VSNL1: variants seen among roughly 807,000 people sequenced by gnomAD.
The protein encoded by VSNL1 is visinin like 1, also known as visinin-like protein 1.
VSNL1 carries 6 observed loss-of-function variants against 20.4 expected under a neutral mutation model. That is an observed-to-expected ratio of 0.29 (90% CI 0.16 to 0.58). VSNL1 has a LOEUF of 0.58. VSNL1 is among the 20% of genes least tolerant of loss of function. The pLI, the probability that VSNL1 is intolerant of heterozygous loss-of-function variation, is 0.90. For missense variants in VSNL1, 100 were observed against 234.5 expected (o/e 0.43, Z 3.75); for synonymous variants, 93 against 86.4 (o/e 1.08, Z -0.42).
intron 1 of VSNL1, among the ~76,000 whole-genome samples, chr2:17,578,831 G>C (rs1357351519): frequency 6.6e-6 from 1 of 152,216 alleles, no homozygotes; most frequent in Non-Finnish European, 1.5e-5. Flanking sequence ...GCCTAAATCA[G>C]AGCTGGAAAC....
chr2:17,655,662 C>G lies in VSNL1; in HGVS notation c.*268C>G, dbSNP rs1666216554. ...GTAATATCATTTCATAAAAATCCCT[C>G]TTCCTCCAAAGCCTGGGCAGAAATG... On this transcript the variant is annotated 3_prime_UTR_variant, in exon 4 of 4. Coordinates refer to ENST00000295156, the MANE Select transcript of VSNL1 (RefSeq NM_003385.5). This position sits in a 1 kb window ranked among gnomAD's most constrained non-coding sequence, Gnocchi z 5.2. 1.1e-5 allele frequency: 4 copies of G among 348,892 alleles called. No individual in the cohort carries two copies. The highest frequency in any genetic ancestry group is 8.3e-4 in the Middle Eastern group (1 of 1,208). 21.6% of individuals were successfully genotyped at this position (348,892 alleles called of 1,614,324 possible).
chr2:17,567,244 A>T (rs1273029185), intron 1 of VSNL1: 2 of 151,890 alleles, frequency 1.3e-5, no homozygotes, highest in Admixed American at 1.3e-4. Flanking sequence ...TTTTAAAAAT[A>T]AAGTTCTATA....
chr2:17,546,568 A>C (rs1212606944), intron 1 of VSNL1, among the ~76,000 whole-genome samples: 1 of 152,002 alleles, frequency 6.6e-6, no homozygotes, highest in South Asian at 2.1e-4. Flanking sequence ...CTGGTGTTAC[A>C]GGAGACTAGT....
In VSNL1 at chr2:17,556,369, C is replaced by T. The variant is rs536811360; in HGVS notation, c.-6+15451C>T. Among the ~76,000 whole-genome samples, 3 of 152,280 alleles carry T rather than the reference C, an allele frequency of 2.0e-5. No individual in the cohort carries two copies. In the South Asian group the frequency reaches 6.2e-4, roughly 32 times the overall value. Reference sequence around the variant, plus strand: ...TAAATTATTAAATATGCCAGTTCATCACTTCTTAAATCAATTGGATCATTA... The same window carrying T: ...TAAATTATTAAATATGCCAGTTCATTACTTCTTAAATCAATTGGATCATTA... On this transcript the variant is annotated intron_variant, in intron 1 of 3. Coordinates refer to ENST00000295156, the MANE Select transcript of VSNL1 (RefSeq NM_003385.5).
At chr2:17,585,389 A>AG (rs572320776) in intron 1 of VSNL1, among the ~76,000 whole-genome samples, 3 of 151,942 alleles carry the variant, frequency 2.0e-5, no homozygotes, top group African/African-American at 7.3e-5. Flanking sequence ...TTATAAAAAA[A>AG]AAAAAAACAT....
chr2:17,585,353 G>A (rs1664445392), intron 1 of VSNL1, among the ~76,000 whole-genome samples: 2 of 151,230 alleles, frequency 1.3e-5, no homozygotes, highest in African/African-American at 4.9e-5. Context: ...AACAGAAAGA[G>A]GCATAGTGTC....
intron 1 of VSNL1, among the ~76,000 whole-genome samples, chr2:17,560,612 A>G (rs1010475975): frequency 6.6e-6 from 1 of 152,218 alleles, no homozygotes; most frequent in East Asian, 1.9e-4. Flanking sequence ...ATTACATAAA[A>G]TGAATTTCGG....
chr2:17,639,890 C>A (rs1665844707), intron 2 of VSNL1, among the ~76,000 whole-genome samples: 1 of 152,304 alleles, frequency 6.6e-6, no homozygotes, highest in African/African-American at 2.4e-5. Context: ...CAATGTCCTC[C>A]CCATTAAATC....
intron 1 of VSNL1, among the ~76,000 whole-genome samples, chr2:17,561,579 A>G (rs1663815972): frequency 6.6e-6 from 1 of 152,220 alleles, no homozygotes. Context: ...AAGTGATTTG[A>G]TCGGACTTGC....
chr2:17,610,211 C>T (rs1361072912), intron 2 of VSNL1, among the ~76,000 whole-genome samples: 5 of 152,142 alleles, frequency 3.3e-5, no homozygotes, highest in Admixed American at 6.5e-5. Context: ...TTCATCCATC[C>T]ATGTATTTGT....
rs542696846 is a variant in VSNL1, at chr2:17,623,378, G to C, written c.163-26032G>C. On this transcript the variant is annotated intron_variant, in intron 2 of 3. Coordinates refer to ENST00000295156, the MANE Select transcript of VSNL1 (RefSeq NM_003385.5). The stretch of plus-strand genomic sequence containing the variant: ...AAAAATGGCAAGAACAGTTAAATCA[G>C]AGCAACCCCGGCTGGGCACGGTGGC... 7.9e-5 allele frequency among the ~76,000 whole-genome samples: 12 copies of C among 152,152 alleles called. 1 individual carries two copies. The South Asian group carries it at 2.5e-3, about 32-fold the overall frequency.
chr2:17,596,458 A>G (rs2680829), intron 2 of VSNL1, among the ~76,000 whole-genome samples: 97,547 of 151,808 alleles, frequency 0.64, 33,000 homozygotes, highest in East Asian at 0.99. Context: ...AGAATTGGCC[A>G]CGGTTTAATG....
chr2:17,629,440 C>A (rs1216022020), intron 2 of VSNL1, among the ~76,000 whole-genome samples: 1 of 152,212 alleles, frequency 6.6e-6, no homozygotes, highest in Non-Finnish European at 1.5e-5. Flanking sequence ...CCTGCCACCC[C>A]TACTGAGATC....
chr2:17,555,106 C>T (rs1455774021), intron 1 of VSNL1, among the ~76,000 whole-genome samples: 1 of 152,182 alleles, frequency 6.6e-6, no homozygotes, highest in African/African-American at 2.4e-5. Context: ...TTCTGCCCAT[C>T]TCTGGCAGAG....
At chr2:17,610,795 C>A (rs893173980) in intron 2 of VSNL1, among the ~76,000 whole-genome samples, 1 of 152,154 alleles carries the variant, frequency 6.6e-6, no homozygotes, top group Non-Finnish European at 1.5e-5. Context: ...CTCCAGGGAA[C>A]CTTCCTCTGA....
intron 1 of VSNL1, among the ~76,000 whole-genome samples, chr2:17,572,914 TA>T (rs1166263384): frequency 3.9e-5 from 6 of 152,350 alleles, no homozygotes; most frequent in African/African-American, 1.4e-4. Flanking sequence ...CCTTCCATAA[TA>T]GCCACATGAA....
chr2:17,585,774 G>A (rs1415895571), intron 1 of VSNL1, among the ~76,000 whole-genome samples: 1 of 151,624 alleles, frequency 6.6e-6, no homozygotes, highest in Non-Finnish European at 1.5e-5. Flanking sequence ...TCAAGCTTTG[G>A]TCTTCCCTTG....
At chr2:17,575,743 G>T (rs1325436116) in intron 1 of VSNL1, among the ~76,000 whole-genome samples, 3 of 151,834 alleles carry the variant, frequency 2.0e-5, no homozygotes, top group African/African-American at 7.3e-5. Flanking sequence ...CACCATGTTG[G>T]CCAGGCTGGT....
intron 2 of VSNL1, among the ~76,000 whole-genome samples, chr2:17,608,698 T>G (rs957458237): frequency 6.6e-6 from 1 of 152,156 alleles, no homozygotes; most frequent in South Asian, 2.1e-4. Flanking sequence ...GATGAAAACA[T>G]TGGGAAAATG....
Sources: gnomAD v4.1 joint callset for allele counts (sites outside exome capture counted in the v4.1 genomes callset) on GRCh38, gnomAD v4.1.1 for gene constraint, Gnocchi (gnomAD v3.1) non-coding constraint, MANE v1.5 for transcripts, NCBI Gene and HGNC (gene_info 2026-07-23, HGNC 2026-07-21) for gene names.